The following MRC2 variants were observed in gnomAD, a reference collection of about 807,000 sequenced individuals.
MRC2 encodes mannose receptor C-type 2.
MRC2 carries 84 observed loss-of-function variants against 206.2 expected under a neutral mutation model. That is an observed-to-expected ratio of 0.41 (90% CI 0.34 to 0.49). The LOEUF (loss-of-function observed/expected upper bound fraction) is 0.49. Ranked by LOEUF, MRC2 falls within the 20% of genes least tolerant of loss-of-function variation. The pLI is 0.31. For synonymous variants in MRC2, 798 were observed against 800.0 expected (o/e 1.00, Z 0.04); for missense variants, 1,676 against 2,001.5 (o/e 0.84, Z 3.10).
intron 6 of MRC2, among the ~76,000 whole-genome samples, chr17:62,670,611 C>T (rs947031948): frequency 1.3e-5 from 2 of 152,230 alleles, no homozygotes; most frequent in Non-Finnish European, 2.9e-5. Flanking sequence ...CCTCAGCTGC[C>T]CTCGGATCCC....
chr17:62,674,252 G>C, intron 9 of MRC2, 82 bp downstream of exon 9: 1 of 1,013,150 alleles, frequency 9.9e-7, no homozygotes, highest in South Asian at 1.6e-5. Flanking sequence ...ATGAACTCCT[G>C]CTGCCTCGCA....
chr17:62,666,155 C>G lies in MRC2; in HGVS notation c.582C>G (p.Asp194Glu). The G allele has an allele frequency of 1.2e-6, 2 of 1,600,022 alleles. No homozygotes were observed. The highest frequency in any genetic ancestry group is 2.3e-5 in the South Asian group (2 of 88,648). Reference protein sequence around the residue: ...GKPCTIPFKYDNQWFHGCTST... With the variant: ...GKPCTIPFKYENQWFHGCTST... ...CGTGCACCATCCCCTTCAAATATGACAACCAGTGGTTCCACGGCTGCACCA... is the reference window on the plus strand; with the variant it reads ...CGTGCACCATCCCCTTCAAATATGAGAACCAGTGGTTCCACGGCTGCACCA... Residue 194 changes from aspartate to glutamate, a missense_variant, in exon 3 of 30, where the codon GAC becomes GAG. Coordinates refer to ENST00000303375, the MANE Select transcript of MRC2 (RefSeq NM_006039.5). This position sits in a 1 kb window ranked among gnomAD's most constrained non-coding sequence, Gnocchi z 5.0.
At chr17:62,649,111 G>A (rs182165922) in intron 1 of MRC2, among the ~76,000 whole-genome samples, 1 of 152,218 alleles carries the variant, frequency 6.6e-6, no homozygotes, top group East Asian at 1.9e-4. Flanking sequence ...GCAGAGGTGC[G>A]AACCTGGGTA....
At position 62,680,545 on chromosome 17, in the gene MRC2, G is replaced by T; in HGVS notation, c.2473+92G>T. 6.5e-7 allele frequency: 1 copy of T among 1,536,606 alleles called. No homozygotes were observed. Among genetic ancestry groups the T allele is most frequent in the Non-Finnish European group, 9.0e-7 (1 of 1,117,200 alleles). On this transcript the variant is annotated intron_variant, in intron 16 of 29. Transcript: ENST00000303375. This position sits in a 1 kb window ranked among gnomAD's most constrained non-coding sequence, Gnocchi z 4.8. Reference sequence around the variant, plus strand: ...CCGAGAGGCCTGAATGAAATGGAGGGGATGAGGAGTTCCGGTCGAGAGAAG... The same window carrying T: ...CCGAGAGGCCTGAATGAAATGGAGGTGATGAGGAGTTCCGGTCGAGAGAAG...
In MRC2 at chr17:62,690,016, C is replaced by G; in HGVS notation, c.3696C>G (p.Thr1232=). The change falls in exon 25 of 30, where the codon ACC becomes ACG. Residue 1232 remains threonine, a synonymous_variant. Transcript: ENST00000303375. ...ATGTGGACGGGGCCTGGCGCACCAC[C>G]AGCTGTGACACCAAGCTGCAGGGGG... The part of the protein sequence containing the change: ...YVDVDGAWRT[T]SCDTKLQGAV... The G allele has an allele frequency of 1.2e-6, 2 of 1,610,760 alleles. No homozygotes were observed. The highest frequency in any genetic ancestry group is 1.7e-6 in the Non-Finnish European group (2 of 1,178,776).
intron 1 of MRC2, among the ~76,000 whole-genome samples, chr17:62,658,380 A>G (rs1213661302): frequency 6.6e-6 from 1 of 152,180 alleles, no homozygotes; most frequent in East Asian, 1.9e-4. Context: ...CCCAGAGCCT[A>G]GGATGTCAGA....
At chr17:62,639,307 G>A (rs1249469482) in intron 1 of MRC2, among the ~76,000 whole-genome samples, 4 of 151,962 alleles carry the variant, frequency 2.6e-5, no homozygotes, top group African/African-American at 9.7e-5. Flanking sequence ...TTGTGCCACT[G>A]CACTCCAGCC....
At chr17:62,668,178 G>A (rs934841640) in intron 6 of MRC2, among the ~76,000 whole-genome samples, 3 of 151,890 alleles carry the variant, frequency 2.0e-5, no homozygotes, top group Non-Finnish European at 2.9e-5. Flanking sequence ...GCAACATAGC[G>A]AGACCCTGTC....
intron 9 of MRC2, among the ~76,000 whole-genome samples, chr17:62,674,372 C>A (rs1475923483): frequency 1.3e-5 from 2 of 152,136 alleles, no homozygotes; most frequent in Non-Finnish European, 2.9e-5. Context: ...TGGGAGGAAG[C>A]AGAGCTCCCC....
At chr17:62,673,279 A>T (rs1486389501) in intron 8 of MRC2, among the ~76,000 whole-genome samples, 1 of 152,060 alleles carries the variant, frequency 6.6e-6, no homozygotes. Context: ...GATACTGGGG[A>T]GGGCGAAGAC....
rs1435240775 is a variant in MRC2 at position 62,676,415 on chromosome 17, A to G, written c.1718A>G (p.Tyr573Cys). The G allele has an allele frequency of 6.2e-7, 1 of 1,614,096 alleles. No individual in the cohort carries two copies. The highest frequency in any genetic ancestry group is 8.5e-7 in the Non-Finnish European group (1 of 1,179,986). Residue 573 changes from tyrosine to cysteine, a missense_variant, in exon 11 of 30, where the codon TAC becomes TGC. Physicochemically the swap from Tyr to Cys is radical, Grantham distance 194. Coordinates refer to ENST00000303375, the MANE Select transcript of MRC2 (RefSeq NM_006039.5). ...FEQAFVSSLI[Y>C]NWEGEYFWTA... ...CAGGCCTTCGTCAGCAGCCTCATCTACAACTGGGAGGGCGAGTACTTCTGG... is the reference window on the plus strand; with the variant it reads ...CAGGCCTTCGTCAGCAGCCTCATCTGCAACTGGGAGGGCGAGTACTTCTGG...
Position 62,664,670 on chromosome 17 carries a change from T to C in MRC2, c.241T>C (p.Ser81Pro). 6.2e-7 allele frequency: 1 copy of C among 1,613,910 alleles called. No individual in the cohort carries two copies. Among genetic ancestry groups the C allele is most frequent in the East Asian group, 2.2e-5 (1 of 44,878 alleles). Residue 81 changes from serine (S) to proline (P), a missense_variant, in exon 2 of 30, where the codon TCC becomes CCC. Around this residue, in one of 3 missense-constraint regions of MRC2, gnomAD observed 318 missense variants for 346.7 expected, o/e 0.92. Transcript: ENST00000303375. This position sits in a 1 kb window ranked among gnomAD's most constrained non-coding sequence, Gnocchi z 4.7. ...SLPAQRWKWV[S>P]RNRLFNLGTM... ...CCCTGCCCAGCGCTGGAAGTGGGTC[T>C]CCCGAAACCGGCTATTCAACCTGGG...
At chr17:62,678,415 C>T in intron 12 of MRC2, 89 bp from the exon 13 acceptor site, 2 of 1,530,282 alleles carry the variant, frequency 1.3e-6, no homozygotes, top group East Asian at 2.3e-5. Flanking sequence ...CTCCAGGCCC[C>T]TCCTCTGCCA....
In MRC2 at chr17:62,691,169, C is replaced by A. The variant is rs776576406; in HGVS notation, c.4192+41C>A. 5.2e-6 allele frequency: 8 copies of A among 1,550,980 alleles called. No individual in the cohort carries two copies. The South Asian group carries it at 7.2e-5, about 14-fold the overall frequency. On this transcript the variant is annotated intron_variant, in intron 28 of 29. Transcript: ENST00000303375. ...GCCCACGCTCAGCCTCCTTCCACCCCGTGCCGCTGGTCCTGGGCTGGGGCT... is the reference window on the plus strand; with the variant it reads ...GCCCACGCTCAGCCTCCTTCCACCCAGTGCCGCTGGTCCTGGGCTGGGGCT...
Position 62,652,400 on chromosome 17 carries a change from G to GATC in MRC2, c.119-12147_119-12145dup, listed in dbSNP as rs1035268478. ...ATGGGGTCCCCGCGAGGGCACAAGT[G>GATC]ATCGCGTGGCCACGGCGAGGCTCTG... On this transcript the variant is annotated intron_variant, in intron 1 of 29. Transcript: ENST00000303375. This position sits in a 1 kb window ranked among gnomAD's most constrained non-coding sequence, Gnocchi z 4.6. Among the ~76,000 whole-genome samples the GATC allele has an allele frequency of 7.9e-5, 12 of 152,258 alleles. No individual in the cohort carries two copies. The highest frequency in any genetic ancestry group is 7.3e-5 in the Non-Finnish European group (5 of 68,050).
At chr17:62,649,417 CCCGT>C (rs1382070604) in intron 1 of MRC2, among the ~76,000 whole-genome samples, 4 of 152,284 alleles carry the variant, frequency 2.6e-5, no homozygotes, top group South Asian at 4.1e-4. Context: ...ATGGCGAAAC[CCCGT>C]CTCTACTAAA....
chr17:62,672,161 T>A lies in MRC2; in HGVS notation c.1461+9T>A. The A allele has an allele frequency of 6.2e-7, 1 of 1,613,676 alleles. No homozygotes were observed. The highest frequency in any genetic ancestry group is 8.5e-7 in the Non-Finnish European group (1 of 1,179,956). The stretch of plus-strand genomic sequence containing the variant: ...TCACCATCTGGGGCCCGGTGAGATC[T>A]CCCTCTCCCTATCACAGGGCCACAA... On this transcript the variant is annotated intron_variant, in intron 8 of 29. Coordinates refer to ENST00000303375, the MANE Select transcript of MRC2 (RefSeq NM_006039.5). The surrounding 1 kb of genome is among the most constrained non-coding windows in gnomAD (Gnocchi z 4.5).
At chr17:62,659,188 A>G (rs1056787947) in intron 1 of MRC2, among the ~76,000 whole-genome samples, 1 of 152,064 alleles carries the variant, frequency 6.6e-6, no homozygotes, top group African/African-American at 2.4e-5. Flanking sequence ...CTCTTCCCTA[A>G]TGACCTAAGC....
In MRC2 at chr17:62,642,297, G is replaced by A. The variant is rs1029080394; in HGVS notation, c.118+14377G>A. ...TCTAAATTTGTCTGATTGTTTACTCGTTCCTGGATTCATATTAAACGTTTT... is the reference window on the plus strand; with the variant it reads ...TCTAAATTTGTCTGATTGTTTACTCATTCCTGGATTCATATTAAACGTTTT... On this transcript the variant is annotated intron_variant, in intron 1 of 29. Transcript: ENST00000303375. 3.3e-5 allele frequency among the ~76,000 whole-genome samples: 5 copies of A among 152,072 alleles called. No individual in the cohort carries two copies. In the East Asian group the frequency reaches 5.8e-4, roughly 18 times the overall value.
Sources: gnomAD v4.1 joint callset for allele counts (sites outside exome capture counted in the v4.1 genomes callset) on GRCh38, gnomAD v4.1.1 for gene constraint, gnomAD v4.1.1 regional missense constraint, Gnocchi (gnomAD v3.1) non-coding constraint, MANE v1.5 for transcripts, NCBI Gene and HGNC (gene_info 2026-07-23, HGNC 2026-07-21) for gene names.